Variants in CATSPERT observed in about 807,000 individuals in gnomAD.
The protein encoded by CATSPERT is catsper channel auxiliary subunit tau.
At chr2:201,523,571 A>C in the CATSPERT span, among the ~76,000 whole-genome samples, 1 of 152,226 alleles carries the variant, frequency 6.6e-6, no homozygotes, top group African/African-American at 2.4e-5. Context: ...GAACTCTGGC[A>C]ACTCTAAAAG....
chr2:201,494,766 T>C, the CATSPERT span: 2 of 1,485,160 alleles, frequency 1.3e-6, no homozygotes, highest in African/African-American at 1.4e-5. Context: ...GAAACTGCAA[T>C]ATTAAAAAAA....
the CATSPERT span, chr2:201,603,353 T>G: frequency 2.2e-5 from 27 of 1,244,952 alleles, no homozygotes; most frequent in South Asian, 3.0e-5. Context: ...CACTGAGCTC[T>G]ATTTTTAAAA....
At chr2:201,493,740 T>G in the CATSPERT span, 1 of 1,537,320 alleles carries the variant, frequency 6.5e-7, no homozygotes, top group Non-Finnish European at 8.7e-7. Context: ...CAGTGAATAT[T>G]TGCCTCATAA....
At chr2:201,575,031 T>C in the CATSPERT span, among the ~76,000 whole-genome samples, 1 of 108,550 alleles carries the variant, frequency 9.2e-6, no homozygotes, top group Non-Finnish European at 1.9e-5. Context: ...TATCACCATT[T>C]AGCAAAAAAA....
chr2:201,589,628 G>T, the CATSPERT span, among the ~76,000 whole-genome samples: 4 of 151,238 alleles, frequency 2.6e-5, no homozygotes, highest in Admixed American at 2.0e-4. Flanking sequence ...ATATTTAAAT[G>T]TAAAACCCAA....
chr2:201,520,113 AG>A, the CATSPERT span, among the ~76,000 whole-genome samples: 1 of 152,238 alleles, frequency 6.6e-6, no homozygotes, highest in Non-Finnish European at 1.5e-5. Flanking sequence ...CAAGTCAGCA[AG>A]AAAATAACAA....
the CATSPERT span, among the ~76,000 whole-genome samples, chr2:201,565,268 C>T: frequency 8.1e-5 from 12 of 148,498 alleles, no homozygotes; most frequent in South Asian, 2.1e-3. Flanking sequence ...GCCAGGAGTT[C>T]GAGACCAGAC....
At chr2:201,580,520 T>C in the CATSPERT span, among the ~76,000 whole-genome samples, 1 of 152,230 alleles carries the variant, frequency 6.6e-6, no homozygotes, top group Non-Finnish European at 1.5e-5. Flanking sequence ...TTTCTTCCTA[T>C]GCCACATCTT....
the CATSPERT span, among the ~76,000 whole-genome samples, chr2:201,560,141 T>C: frequency 6.6e-6 from 1 of 152,112 alleles, no homozygotes; most frequent in African/African-American, 2.4e-5. Flanking sequence ...AAATGTAAAA[T>C]TGTGGGCCAG....
the CATSPERT span, among the ~76,000 whole-genome samples, chr2:201,516,095 A>G: frequency 2.0e-5 from 3 of 152,194 alleles, no homozygotes; most frequent in Admixed American, 6.5e-5. Context: ...GATCTAGCCT[A>G]TTGCTACTAG....
chr2:201,576,150 C>T, the CATSPERT span, among the ~76,000 whole-genome samples: 1 of 152,160 alleles, frequency 6.6e-6, no homozygotes, highest in Non-Finnish European at 1.5e-5. Context: ...GAGGGTGTAT[C>T]GAGCATCCTT....
chr2:201,534,471 G>A, the CATSPERT span: 4 of 983,298 alleles, frequency 4.1e-6, no homozygotes, highest in African/African-American at 7.2e-5. Context: ...TACAAACTAT[G>A]TGCCCATACA....
At chr2:201,530,150 G>A in the CATSPERT span, among the ~76,000 whole-genome samples, 5 of 152,194 alleles carry the variant, frequency 3.3e-5, no homozygotes, top group Non-Finnish European at 5.9e-5. Flanking sequence ...TACACTATTT[G>A]TGGGAATATA....
chr2:201,491,134 A>C, the CATSPERT span: 1 of 1,486,622 alleles, frequency 6.7e-7, no homozygotes, highest in African/African-American at 1.4e-5. Flanking sequence ...ACTTTGCCAA[A>C]TACAGAAGTA....
the CATSPERT span, chr2:201,491,960 T>C: frequency 6.5e-7 from 1 of 1,537,122 alleles, no homozygotes; most frequent in African/African-American, 1.4e-5. Flanking sequence ...CTTAATGGAC[T>C]TGCCTGGATA....
the CATSPERT span, chr2:201,537,519 A>G: frequency 7.2e-7 from 1 of 1,383,204 alleles, no homozygotes; most frequent in Non-Finnish European, 9.8e-7. Flanking sequence ...TTTTACATAA[A>G]AACAATAAAC....
At chr2:201,543,577 G>A in the CATSPERT span, among the ~76,000 whole-genome samples, 1 of 151,998 alleles carries the variant, frequency 6.6e-6, no homozygotes, top group Non-Finnish European at 1.5e-5. Flanking sequence ...CCTTTGAAAA[G>A]TTTATTCCTA....
chr2:201,615,884 G>A, the CATSPERT span, among the ~76,000 whole-genome samples: 7 of 152,190 alleles, frequency 4.6e-5, no homozygotes, highest in South Asian at 2.1e-4. Flanking sequence ...TATCACCACC[G>A]ATCCCACAGA....
the CATSPERT span, among the ~76,000 whole-genome samples, chr2:201,611,251 A>T: frequency 1.3e-5 from 2 of 152,224 alleles, no homozygotes; most frequent in Non-Finnish European, 2.9e-5. Flanking sequence ...CTGATAAATA[A>T]ATTCAGTAAA....
Sources: allele counts gnomAD v4.1 joint callset (sites outside exome capture counted in the v4.1 genomes callset), GRCh38; gene constraint gnomAD v4.1.1; transcripts MANE v1.5; gene names NCBI Gene and HGNC (gene_info 2026-07-23, HGNC 2026-07-21).